The following CYB5R4 variants were observed in gnomAD, a reference collection of about 807,000 sequenced individuals.
CYB5R4 encodes the protein cytochrome b5 reductase 4, also known as N-terminal cytochrome b5 and cytochrome b5 oxidoreductase domain-containing protein.
Under a neutral mutation model 70.2 loss-of-function variants are expected in CYB5R4, and 55 were observed. The observed-to-expected ratio is 0.78, with a 90% CI of 0.63 to 0.98. The LOEUF (loss-of-function observed/expected upper bound fraction) is 0.98. CYB5R4 is among the 50% of genes least tolerant of loss of function. CYB5R4 has a pLI of 0.00. For missense variants in CYB5R4, 562 were observed against 612.6 expected, an observed-to-expected ratio of 0.92 and a Z score of 0.87; for synonymous variants, 197 against 199.5, an observed-to-expected ratio of 0.99 and a Z score of 0.11.
intron 12 of CYB5R4, among the ~76,000 whole-genome samples, chr6:83,938,921 G>A (rs1430180999): frequency 6.6e-6 from 1 of 151,504 alleles, no homozygotes; most frequent in African/African-American, 2.4e-5. Flanking sequence ...TGCAACCTCC[G>A]CCTCTCGGGT....
chr6:83,949,488 C>T (rs2099471186), intron 14 of CYB5R4, among the ~76,000 whole-genome samples: 1 of 152,026 alleles, frequency 6.6e-6, no homozygotes, highest in African/African-American at 2.4e-5. Context: ...AGTAAAGTTC[C>T]TGATGCCAAA....
At chr6:83,899,197 G>A (rs1347872093) in intron 3 of CYB5R4, among the ~76,000 whole-genome samples, 1 of 152,112 alleles carries the variant, frequency 6.6e-6, no homozygotes, top group Non-Finnish European at 1.5e-5. Context: ...TTTGTCAAAG[G>A]CCTTTTCTGC....
At chr6:83,874,121 CTCCT>C (rs2099458109) in intron 2 of CYB5R4, among the ~76,000 whole-genome samples, 1 of 94,568 alleles carries the variant, frequency 1.1e-5, no homozygotes, top group Non-Finnish European at 2.1e-5. Context: ...CTCCCCTCCC[CTCCT>C]CTCCCCTCCC....
chr6:83,918,973 C>T (rs1049804219), intron 6 of CYB5R4, among the ~76,000 whole-genome samples: 6 of 152,078 alleles, frequency 3.9e-5, no homozygotes, highest in African/African-American at 1.4e-4. Context: ...CACTATGGAC[C>T]CATTAAACAA....
chr6:83,884,365 A>AT (rs2099459936), intron 2 of CYB5R4, among the ~76,000 whole-genome samples: 1 of 152,008 alleles, frequency 6.6e-6, no homozygotes, highest in African/African-American at 2.4e-5. Context: ...CAGCTAGTAA[A>AT]TTTTATTATT....
At chr6:83,876,385 G>A (rs145948950) in intron 2 of CYB5R4, among the ~76,000 whole-genome samples, 217 of 152,166 alleles carry the variant, frequency 1.4e-3, no homozygotes, top group African/African-American at 4.9e-3. Flanking sequence ...CAAGTGTGAT[G>A]CAGTGAATTC....
chr6:83,898,704 G>A (rs2129135275), intron 3 of CYB5R4, among the ~76,000 whole-genome samples: 1 of 152,086 alleles, frequency 6.6e-6, no homozygotes, highest in South Asian at 2.1e-4. Flanking sequence ...GGATTCCTAG[G>A]TATTTTATTC....
chr6:83,873,958 T>C (rs562486051), intron 2 of CYB5R4, among the ~76,000 whole-genome samples: 111 of 152,298 alleles, frequency 7.3e-4, no homozygotes, highest in Admixed American at 1.4e-3. Context: ...GTGGTGTGTT[T>C]ATGTGTGATT....
In CYB5R4 at chr6:83,914,559, A is replaced by G. The variant is rs184835463; in HGVS notation, c.445+111A>G. The G allele has an allele frequency of 1.1e-4, 111 of 981,222 alleles. No homozygotes were observed. In the East Asian group the frequency reaches 3.0e-3, roughly 26 times the overall value. 60.8% of individuals were successfully genotyped at this position (981,222 alleles called of 1,614,324 possible). A position where few individuals can be genotyped will look rare whatever the true frequency, so the allele number is the denominator to read the frequency against. On this transcript the variant is annotated intron_variant, in intron 5 of 15. Coordinates refer to ENST00000369681, the MANE Select transcript of CYB5R4 (RefSeq NM_016230.4). Reference sequence around the variant, plus strand: ...TTTTTTTCTTTTTTTTCTTTTTGAGATGGAGTATTGCTTTGTCACCCAGGC... The same window carrying G: ...TTTTTTTCTTTTTTTTCTTTTTGAGGTGGAGTATTGCTTTGTCACCCAGGC...
At chr6:83,907,602 A>C (rs2129137481) in intron 3 of CYB5R4, among the ~76,000 whole-genome samples, 1 of 152,096 alleles carries the variant, frequency 6.6e-6, no homozygotes, top group East Asian at 1.9e-4. Context: ...CCTGGTACCC[A>C]ATAGTTATTT....
intron 2 of CYB5R4, among the ~76,000 whole-genome samples, chr6:83,879,654 C>G (rs1048847814): frequency 1.3e-5 from 2 of 152,138 alleles, no homozygotes; most frequent in Admixed American, 1.3e-4. Context: ...GCACTACCCT[C>G]TAATCTTGCT....
Position 83,940,511 on chromosome 6 carries a change from T to C in CYB5R4, c.1260-4T>C, listed in dbSNP as rs1411656966. ...TATTTCTGAGTTTTTTTTTTTCTCT[T>C]AAGGAAAGTGAAGCTGATGTTCTTC... On this transcript the variant is annotated splice_polypyrimidine_tract_variant and splice_region_variant and intron_variant, in intron 13 of 15. Coordinates refer to ENST00000369681, the MANE Select transcript of CYB5R4 (RefSeq NM_016230.4). 1 of 1,574,536 alleles carries C rather than the reference T, an allele frequency of 6.4e-7. No homozygotes were observed. Among genetic ancestry groups the C allele is most frequent in the African/African-American group, 1.4e-5 (1 of 71,904 alleles).
intron 10 of CYB5R4, chr6:83,926,461 T>C (rs1283185526): frequency 1.3e-5 from 2 of 152,200 alleles, no homozygotes; most frequent in Non-Finnish European, 2.9e-5. Flanking sequence ...CTGAGACTTC[T>C]TCCCTTAGCT....
chr6:83,959,962 A>T lies in CYB5R4; in HGVS notation c.*84A>T. 1 of 1,056,040 alleles carries T rather than the reference A, an allele frequency of 9.5e-7. No homozygotes were observed. Among genetic ancestry groups the T allele is most frequent in the Non-Finnish European group, 1.3e-6 (1 of 744,312 alleles). The allele number at this position is 1,056,040 out of a possible 1,614,324, so 65.4% of individuals were successfully genotyped here. Reference sequence around the variant, plus strand: ...GTTTTTTAAGAGAACATTTTTGTACATAACAAAAGGTTAACTAGAATCCAG... The same window carrying T: ...GTTTTTTAAGAGAACATTTTTGTACTTAACAAAAGGTTAACTAGAATCCAG... On this transcript the variant is annotated 3_prime_UTR_variant, in exon 16 of 16. Coordinates refer to ENST00000369681, the MANE Select transcript of CYB5R4 (RefSeq NM_016230.4).
chr6:83,871,462 C>T (rs2099457625), intron 2 of CYB5R4, among the ~76,000 whole-genome samples: 1 of 152,082 alleles, frequency 6.6e-6, no homozygotes. Flanking sequence ...TTTTCCTTCT[C>T]CTCCTTTTTT....
intron 9 of CYB5R4, among the ~76,000 whole-genome samples, chr6:83,923,686 A>G (rs373063188): frequency 2.0e-5 from 3 of 152,140 alleles, no homozygotes; most frequent in Non-Finnish European, 4.4e-5. Context: ...AAAGATTCAC[A>G]TGCACTTTAT....
intron 10 of CYB5R4, among the ~76,000 whole-genome samples, chr6:83,926,871 C>A (rs556791202): frequency 6.6e-6 from 1 of 152,238 alleles, no homozygotes; most frequent in East Asian, 1.9e-4. Flanking sequence ...TTTAATTCTA[C>A]CTTGACTCTG....
In CYB5R4 at chr6:83,920,221, C is replaced by T. The variant is rs961950834; in HGVS notation, c.564+767C>T. Among the ~76,000 whole-genome samples, 15 of 152,286 alleles carry T rather than the reference C, an allele frequency of 9.8e-5. No individual in the cohort carries two copies. The South Asian group carries it at 1.9e-3, about 19-fold the overall frequency. Reference sequence around the variant, plus strand: ...AGGGATATGTAGATTTAAAGACAAGCTCTGGCAGCTAGGAATTTTTGAGAA... The same window carrying T: ...AGGGATATGTAGATTTAAAGACAAGTTCTGGCAGCTAGGAATTTTTGAGAA... On this transcript the variant is annotated intron_variant, in intron 7 of 15. Coordinates refer to ENST00000369681, the MANE Select transcript of CYB5R4 (RefSeq NM_016230.4).
intron 15 of CYB5R4, among the ~76,000 whole-genome samples, chr6:83,956,327 T>C (rs2099472418): frequency 1.3e-5 from 2 of 152,112 alleles, no homozygotes; most frequent in Non-Finnish European, 2.9e-5. Context: ...ATTTAAGAAA[T>C]ACATTAGTTT....
Sources: allele counts gnomAD v4.1 joint callset (sites outside exome capture counted in the v4.1 genomes callset), GRCh38; gene constraint gnomAD v4.1.1; transcripts MANE v1.5; gene names NCBI Gene and HGNC (gene_info 2026-07-23, HGNC 2026-07-21).